Variants in KAZN observed in about 807,000 individuals in gnomAD.
KAZN encodes kazrin.
KAZN carries 40 observed loss-of-function variants against 87.4 expected under a neutral mutation model. The ratio of observed to expected loss-of-function variants is 0.46; its 90% confidence interval spans 0.36 to 0.60. The LOEUF (loss-of-function observed/expected upper bound fraction) is 0.60. KAZN is among the 20% of genes least tolerant of loss of function. The pLI, the probability that KAZN is intolerant of heterozygous loss-of-function variation, is 0.00. For missense variants in KAZN, 898 were observed against 1,073.9 expected, an observed-to-expected ratio of 0.84 and a Z score of 2.29; for synonymous variants, 466 against 458.3, an observed-to-expected ratio of 1.02 and a Z score of -0.22.
chr1:14,951,188 G>T (rs1409748396), intron 1 of KAZN, among the ~76,000 whole-genome samples: 1 of 152,230 alleles, frequency 6.6e-6, no homozygotes, highest in East Asian at 1.9e-4. Flanking sequence ...TTCCTGCCAC[G>T]TGCTATGCCC....
chr1:14,509,053 G>A (rs560828692), intron 2 of KAZN, among the ~76,000 whole-genome samples: 1 of 152,366 alleles, frequency 6.6e-6, no homozygotes, highest in South Asian at 2.1e-4. Context: ...AGGGCAGTGA[G>A]AAAGGAAAAG....
intron 2 of KAZN, among the ~76,000 whole-genome samples, chr1:14,574,963 A>G (rs1675090438): frequency 6.6e-6 from 1 of 152,210 alleles, no homozygotes; most frequent in Admixed American, 6.5e-5. Context: ...AGATACAGCC[A>G]GGTGAGGAGC....
At chr1:15,027,464 T>G (rs971182802) in intron 2 of KAZN, among the ~76,000 whole-genome samples, 5 of 152,140 alleles carry the variant, frequency 3.3e-5, no homozygotes, top group African/African-American at 1.2e-4. Flanking sequence ...CATTCTTGCC[T>G]CGTCTCTGGG....
intron 2 of KAZN, among the ~76,000 whole-genome samples, chr1:14,470,628 G>A (rs531883425): frequency 5.9e-5 from 9 of 152,294 alleles, no homozygotes; most frequent in South Asian, 4.1e-4. Context: ...GAAAGCCTGC[G>A]TAAGTGAGCA....
intron 2 of KAZN, among the ~76,000 whole-genome samples, chr1:14,229,236 GC>G (rs1475406850): frequency 1.3e-5 from 2 of 152,098 alleles, no homozygotes; most frequent in African/African-American, 4.8e-5. Flanking sequence ...TCTCTCCTTA[GC>G]TCTCTTAAAA....
intron 1 of KAZN, among the ~76,000 whole-genome samples, chr1:14,670,111 C>T (rs71629893): frequency 6.6e-6 from 1 of 152,094 alleles, no homozygotes; most frequent in Non-Finnish European, 1.5e-5. Context: ...CTCCCCAGCC[C>T]TCCCCTCCCC....
At chr1:14,260,125 CTATT>C (rs1007161972) in intron 2 of KAZN, among the ~76,000 whole-genome samples, 8 of 152,136 alleles carry the variant, frequency 5.3e-5, no homozygotes, top group Admixed American at 6.5e-5. Flanking sequence ...ATTGTTTCCC[CTATT>C]TATTTATTCA....
At chr1:14,147,612 T>G (rs1038752888) in intron 1 of KAZN, among the ~76,000 whole-genome samples, 1 of 151,766 alleles carries the variant, frequency 6.6e-6, no homozygotes, top group Non-Finnish European at 1.5e-5. Flanking sequence ...GCCAACATGG[T>G]GAAACCCCAT....
intron 2 of KAZN, among the ~76,000 whole-genome samples, chr1:14,199,533 C>T (rs750078992): frequency 6.6e-6 from 1 of 152,226 alleles, no homozygotes; most frequent in East Asian, 1.9e-4. Flanking sequence ...TGGAATTCGT[C>T]GCTGGGTTGC....
At chr1:14,076,831 G>C (rs539264093) in intron 1 of KAZN, among the ~76,000 whole-genome samples, 116 of 152,274 alleles carry the variant, frequency 7.6e-4, no homozygotes, top group African/African-American at 2.7e-3. Context: ...GGTGCACTGT[G>C]AGCTGGTTGT....
intron 1 of KAZN, among the ~76,000 whole-genome samples, chr1:14,815,116 G>A (rs1329341071): frequency 1.3e-5 from 2 of 152,120 alleles, no homozygotes; most frequent in African/African-American, 4.8e-5. Flanking sequence ...ACTGACAAGG[G>A]TGTGACCTGC....
At chr1:14,392,265 G>C (rs550928707) in intron 2 of KAZN, among the ~76,000 whole-genome samples, 1 of 152,158 alleles carries the variant, frequency 6.6e-6, no homozygotes, top group African/African-American at 2.4e-5. Flanking sequence ...GAAAAGGTAA[G>C]TGTATATGGG....
chr1:14,167,011 A>G (rs1027247596), intron 1 of KAZN, among the ~76,000 whole-genome samples: 2 of 152,196 alleles, frequency 1.3e-5, no homozygotes, highest in African/African-American at 4.8e-5. Context: ...GGTGCGTGAG[A>G]TAGCCAAAAT....
chr1:15,113,443 A>G (rs1332237232), intron 14 of KAZN: 1 of 152,222 alleles, frequency 6.6e-6, no homozygotes, highest in Non-Finnish European at 1.5e-5. Flanking sequence ...AGCAATAATA[A>G]TAATAAAAAA....
chr1:14,982,056 G>A (rs1666296413), intron 2 of KAZN, among the ~76,000 whole-genome samples: 1 of 152,192 alleles, frequency 6.6e-6, no homozygotes, highest in Non-Finnish European at 1.5e-5. Flanking sequence ...TGTGTGCCAG[G>A]CTGTCTGCAT....
intron 1 of KAZN, among the ~76,000 whole-genome samples, chr1:14,173,532 C>A (rs1277937730): frequency 6.6e-6 from 1 of 152,158 alleles, no homozygotes; most frequent in African/African-American, 2.4e-5. Flanking sequence ...GCCACACAGC[C>A]AAGCAGATTG....
chr1:15,110,980 G>A (rs1296935253), intron 13 of KAZN, among the ~76,000 whole-genome samples: 1 of 152,132 alleles, frequency 6.6e-6, no homozygotes, highest in African/African-American at 2.4e-5. Context: ...TACATTTTTT[G>A]GCTTCTGCAA....
chr1:15,097,813 C>T (rs1383518073), intron 10 of KAZN, among the ~76,000 whole-genome samples: 5 of 152,070 alleles, frequency 3.3e-5, no homozygotes. Flanking sequence ...AATGAAACTC[C>T]GTCTGAAAAA....
intron 1 of KAZN, among the ~76,000 whole-genome samples, chr1:14,110,594 T>G (rs1453427982): frequency 1.3e-5 from 1 of 78,056 alleles, no homozygotes; most frequent in Non-Finnish European, 2.6e-5. Context: ...TTTGCATGAC[T>G]TGGAATGATA....
Sources: gnomAD v4.1 joint callset for allele counts (sites outside exome capture counted in the v4.1 genomes callset) on GRCh38, gnomAD v4.1.1 for gene constraint, MANE v1.5 for transcripts, NCBI Gene and HGNC (gene_info 2026-07-23, HGNC 2026-07-21) for gene names.